DRC11: variants seen among roughly 807,000 people sequenced by gnomAD.
The protein encoded by DRC11 is dynein regulatory complex subunit 11.
chr2:236,455,053 C>G, the DRC11 span: 1 of 152,182 alleles, frequency 6.6e-6, no homozygotes, highest in Non-Finnish European at 1.5e-5. The surrounding 1 kb of genome is among the most constrained non-coding windows in gnomAD (Gnocchi z 5.7). Flanking sequence ...CATGAAGATG[C>G]TAAGAAGTAG....
the DRC11 span, among the ~76,000 whole-genome samples, chr2:236,432,946 G>T: frequency 6.6e-6 from 1 of 152,226 alleles, no homozygotes; most frequent in Non-Finnish European, 1.5e-5. Flanking sequence ...CCAAAGTAAA[G>T]TATAAAGACT....
chr2:236,368,131 C>T, the DRC11 span: 1 of 966,716 alleles, frequency 1.0e-6, no homozygotes, highest in Non-Finnish European at 1.6e-6. Context: ...AACACACTGT[C>T]CAAACCAGCA....
the DRC11 span, among the ~76,000 whole-genome samples, chr2:236,440,298 G>C: frequency 2.5e-4 from 38 of 152,272 alleles, no homozygotes; most frequent in African/African-American, 8.4e-4. Flanking sequence ...TTAGAGGAAG[G>C]GTTAGTCACC....
chr2:236,363,632 A>G, the DRC11 span: 1 of 672,392 alleles, frequency 1.5e-6, no homozygotes, highest in Non-Finnish European at 2.6e-6. This position sits in a 1 kb window ranked among gnomAD's most constrained non-coding sequence, Gnocchi z 5.6. Context: ...GTGTTTGGCC[A>G]TACGCAATAA....
the DRC11 span, among the ~76,000 whole-genome samples, chr2:236,431,954 G>A: frequency 2.0e-5 from 3 of 152,180 alleles, no homozygotes; most frequent in African/African-American, 7.2e-5. The surrounding 1 kb of genome is among the most constrained non-coding windows in gnomAD (Gnocchi z 4.2). Flanking sequence ...AGTCCTAAGA[G>A]AAGAATTGCT....
the DRC11 span, among the ~76,000 whole-genome samples, chr2:236,335,483 G>A: frequency 1.1e-4 from 16 of 152,298 alleles, no homozygotes; most frequent in Middle Eastern, 3.4e-3. This position sits in a 1 kb window ranked among gnomAD's most constrained non-coding sequence, Gnocchi z 5.6. Flanking sequence ...CACAGGTGGA[G>A]GGATGCTTTC....
chr2:236,354,674 C>T, the DRC11 span, among the ~76,000 whole-genome samples: 25,801 of 152,180 alleles, frequency 0.17, 2,481 homozygotes, highest in Non-Finnish European at 0.22. Flanking sequence ...GCATCAAACC[C>T]TGGTCCCGCC....
the DRC11 span, among the ~76,000 whole-genome samples, chr2:236,504,202 G>C: frequency 6.6e-3 from 810 of 123,480 alleles, 18 homozygotes; most frequent in Admixed American, 0.058. This position sits in a 1 kb window ranked among gnomAD's most constrained non-coding sequence, Gnocchi z 5.0. Flanking sequence ...ACGGCGGTGG[G>C]GGGGGGCGTT....
At chr2:236,445,823 A>G in the DRC11 span, among the ~76,000 whole-genome samples, 1 of 152,206 alleles carries the variant, frequency 6.6e-6, no homozygotes, top group Admixed American at 6.5e-5. This position sits in a 1 kb window ranked among gnomAD's most constrained non-coding sequence, Gnocchi z 4.8. Context: ...CTTATCACAC[A>G]TACACAGACA....
the DRC11 span, among the ~76,000 whole-genome samples, chr2:236,335,884 G>T: frequency 6.6e-6 from 1 of 151,906 alleles, no homozygotes; most frequent in Non-Finnish European, 1.5e-5. This position sits in a 1 kb window ranked among gnomAD's most constrained non-coding sequence, Gnocchi z 5.6. Context: ...CCCGTCTTGC[G>T]CTGTCTCCTT....
chr2:236,389,490 C>T, the DRC11 span, among the ~76,000 whole-genome samples: 17 of 152,298 alleles, frequency 1.1e-4, no homozygotes, highest in African/African-American at 3.4e-4. Flanking sequence ...TTGCGCTTCC[C>T]GAGTGAGGCA....
chr2:236,382,897 T>G, the DRC11 span, among the ~76,000 whole-genome samples: 2 of 152,176 alleles, frequency 1.3e-5, no homozygotes, highest in East Asian at 3.8e-4. Flanking sequence ...CTTATAATAG[T>G]TTTAGATTTA....
At chr2:236,358,391 TGA>T in the DRC11 span, among the ~76,000 whole-genome samples, 57 of 132,094 alleles carry the variant, frequency 4.3e-4, no homozygotes, top group Non-Finnish European at 8.0e-4. Context: ...TTATGATATA[TGA>T]ATATCATATA....
chr2:236,316,985 G>A, the DRC11 span, among the ~76,000 whole-genome samples: 2,544 of 151,992 alleles, frequency 0.017, 68 homozygotes, highest in African/African-American at 0.058. The surrounding 1 kb of genome is among the most constrained non-coding windows in gnomAD (Gnocchi z 6.8). Flanking sequence ...CATAATAGCC[G>A]CAAACTGAAG....
chr2:236,413,689 A>T, the DRC11 span, among the ~76,000 whole-genome samples: 1 of 152,222 alleles, frequency 6.6e-6, no homozygotes, highest in African/African-American at 2.4e-5. The surrounding 1 kb of genome is among the most constrained non-coding windows in gnomAD (Gnocchi z 4.0). Flanking sequence ...TCTTTCCAGA[A>T]GAAGTTAGCA....
the DRC11 span, among the ~76,000 whole-genome samples, chr2:236,345,870 C>A: frequency 6.6e-6 from 1 of 152,136 alleles, no homozygotes; most frequent in African/African-American, 2.4e-5. Flanking sequence ...GATTTTAAAC[C>A]AAGACAGTCA....
the DRC11 span, among the ~76,000 whole-genome samples, chr2:236,437,404 G>A: frequency 6.7e-3 from 1,011 of 150,882 alleles, 4 homozygotes; most frequent in Non-Finnish European, 0.01. Flanking sequence ...ATAAACATAC[G>A]TGTGCATGTA....
At chr2:236,499,573 C>T in the DRC11 span, among the ~76,000 whole-genome samples, 3 of 152,308 alleles carry the variant, frequency 2.0e-5, no homozygotes, top group South Asian at 2.1e-4. The surrounding 1 kb of genome is among the most constrained non-coding windows in gnomAD (Gnocchi z 4.7). Flanking sequence ...GGACTACAGG[C>T]GTGTGCCACC....
chr2:236,441,154 G>T, the DRC11 span: 2 of 1,401,120 alleles, frequency 1.4e-6, no homozygotes, highest in African/African-American at 1.4e-5. Context: ...AAATTAAAAT[G>T]GAAATGAAGT....
Sources: gnomAD v4.1 joint callset for allele counts (sites outside exome capture counted in the v4.1 genomes callset) on GRCh38, gnomAD v4.1.1 for gene constraint, Gnocchi (gnomAD v3.1) non-coding constraint, MANE v1.5 for transcripts, NCBI Gene and HGNC (gene_info 2026-07-23, HGNC 2026-07-21) for gene names.